The following LRFN2 variants were observed in gnomAD, a reference collection of about 807,000 sequenced individuals.
LRFN2 encodes the protein leucine rich repeat and fibronectin type III domain containing 2.
LRFN2 carries 18 observed loss-of-function variants against 37.3 expected under a neutral mutation model. That is an observed-to-expected ratio of 0.48 (90% CI 0.33 to 0.72). The LOEUF (loss-of-function observed/expected upper bound fraction) is 0.72, where lower values mean the gene tolerates loss of function less well. LRFN2 is among the 30% of genes least tolerant of loss of function. The pLI is 0.02. For synonymous variants in LRFN2, 556 were observed against 466.6 expected (o/e 1.19, Z -2.47); for missense variants, 1,006 against 1,060.7 (o/e 0.95, Z 0.72).
chr6:40,468,357 C>T (rs929744690), intron 1 of LRFN2, among the ~76,000 whole-genome samples: 18 of 152,026 alleles, frequency 1.2e-4, no homozygotes, highest in Admixed American at 9.2e-4. Flanking sequence ...GCATGGGGTG[C>T]GGCCCCAGTA....
At chr6:40,448,041 A>G (rs1054154566) in intron 1 of LRFN2, among the ~76,000 whole-genome samples, 1 of 152,222 alleles carries the variant, frequency 6.6e-6, no homozygotes, top group African/African-American at 2.4e-5. Flanking sequence ...CCCAGCCTTT[A>G]GGTGTCAAAA....
chr6:40,454,481 G>C (rs1198309826), intron 1 of LRFN2, among the ~76,000 whole-genome samples: 1 of 152,180 alleles, frequency 6.6e-6, no homozygotes, highest in African/African-American at 2.4e-5. Context: ...TCTGCAAAGA[G>C]CCTGGGGCTG....
At chr6:40,479,846 G>A (rs780710718) in intron 1 of LRFN2, among the ~76,000 whole-genome samples, 7 of 152,210 alleles carry the variant, frequency 4.6e-5, no homozygotes, top group African/African-American at 7.2e-5. Context: ...TCTCCAGCAC[G>A]CAAGGCCCTG....
chr6:40,505,789 T>C (rs1765516162), intron 1 of LRFN2, among the ~76,000 whole-genome samples: 1 of 152,206 alleles, frequency 6.6e-6, no homozygotes, highest in African/African-American at 2.4e-5. Flanking sequence ...AGATCATGCC[T>C]CCTGGCAGGG....
chr6:40,521,908 A>C (rs1329384735), intron 1 of LRFN2, among the ~76,000 whole-genome samples: 4 of 152,240 alleles, frequency 2.6e-5, no homozygotes, highest in African/African-American at 9.6e-5. Flanking sequence ...GTGGGCTTTG[A>C]AGCAAAAGGT....
chr6:40,434,889 C>T (rs375151742), intron 1 of LRFN2, among the ~76,000 whole-genome samples: 6 of 151,394 alleles, frequency 4.0e-5, no homozygotes, highest in South Asian at 2.1e-4. Flanking sequence ...TAGCTCTGTA[C>T]GCATGAGCAA....
At chr6:40,516,010 G>A (rs1248006155) in intron 1 of LRFN2, among the ~76,000 whole-genome samples, 2 of 152,104 alleles carry the variant, frequency 1.3e-5, no homozygotes, top group Non-Finnish European at 2.9e-5. Flanking sequence ...GTTTCCCAGG[G>A]GGATTAGGCT....
chr6:40,406,691 T>G (rs945986027), intron 2 of LRFN2, among the ~76,000 whole-genome samples: 6 of 152,168 alleles, frequency 3.9e-5, no homozygotes, highest in Admixed American at 3.9e-4. Flanking sequence ...GACTGCGTCT[T>G]CCTCCCACCA....
chr6:40,417,976 A>G (rs1763134980), intron 2 of LRFN2, among the ~76,000 whole-genome samples: 2 of 152,124 alleles, frequency 1.3e-5, no homozygotes, highest in Non-Finnish European at 2.9e-5. Context: ...CAGCAGCAGA[A>G]TCTTCTTTCT....
At chr6:40,576,091 G>A (rs948956332) in intron 1 of LRFN2, among the ~76,000 whole-genome samples, 5 of 152,084 alleles carry the variant, frequency 3.3e-5, no homozygotes, top group East Asian at 1.9e-4. Flanking sequence ...GTTTCCTCGC[G>A]TTTAAATGGA....
At chr6:40,467,633 A>G (rs185948077) in intron 1 of LRFN2, among the ~76,000 whole-genome samples, 35 of 152,306 alleles carry the variant, frequency 2.3e-4, no homozygotes, top group Non-Finnish European at 4.7e-4. Context: ...GAGCCTGGGC[A>G]TTGATCAAGG....
intron 1 of LRFN2, among the ~76,000 whole-genome samples, chr6:40,449,412 G>A (rs1043270804): frequency 6.6e-6 from 1 of 152,214 alleles, no homozygotes. Flanking sequence ...CTCAGTTGCA[G>A]CCATGTGACT....
chr6:40,455,896 G>T (rs1764224140), intron 1 of LRFN2, among the ~76,000 whole-genome samples: 1 of 152,164 alleles, frequency 6.6e-6, no homozygotes, highest in Non-Finnish European at 1.5e-5. Context: ...GACCTAATTA[G>T]GTGAGCCCAC....
intron 1 of LRFN2, among the ~76,000 whole-genome samples, chr6:40,549,745 A>G (rs1766734325): frequency 6.6e-6 from 1 of 152,142 alleles, no homozygotes; most frequent in South Asian, 2.1e-4. Flanking sequence ...CAACTGTTGA[A>G]ATAATCCCTC....
chr6:40,402,649 A>T (rs1266365614), intron 2 of LRFN2, among the ~76,000 whole-genome samples: 1 of 152,202 alleles, frequency 6.6e-6, no homozygotes, highest in Non-Finnish European at 1.5e-5. Context: ...TGACTTGACT[A>T]AGCTCTCACA....
At chr6:40,524,160 T>A (rs1361812465) in intron 1 of LRFN2, among the ~76,000 whole-genome samples, 1 of 151,850 alleles carries the variant, frequency 6.6e-6, no homozygotes, top group African/African-American at 2.4e-5. Context: ...GAGGGAGAGA[T>A]TTTAAAAATA....
chr6:40,423,768 C>A (rs1433388680), intron 2 of LRFN2, among the ~76,000 whole-genome samples: 4 of 152,158 alleles, frequency 2.6e-5, no homozygotes, highest in Admixed American at 2.6e-4. Context: ...TGCTTTCTTG[C>A]CCTTCTTGTT....
intron 2 of LRFN2, among the ~76,000 whole-genome samples, chr6:40,413,197 G>A (rs796488412): frequency 3.3e-4 from 51 of 152,282 alleles, no homozygotes; most frequent in African/African-American, 9.6e-4. Flanking sequence ...ATATTTCATG[G>A]CTCCCGCAGC....
At chr6:40,528,183 C>A (rs1766289042) in intron 1 of LRFN2, among the ~76,000 whole-genome samples, 1 of 152,230 alleles carries the variant, frequency 6.6e-6, no homozygotes, top group African/African-American at 2.4e-5. Context: ...TGTTGTCAAC[C>A]TTTGAACTCT....
Sources: allele counts gnomAD v4.1 joint callset (sites outside exome capture counted in the v4.1 genomes callset), GRCh38; gene constraint gnomAD v4.1.1; transcripts MANE v1.5; gene names NCBI Gene and HGNC (gene_info 2026-07-23, HGNC 2026-07-21).